The following GSG1L variants were observed in gnomAD, a reference collection of about 807,000 sequenced individuals.
GSG1L encodes germ cell-specific gene 1-like protein.
A neutral mutation model predicts 42.1 loss-of-function variants in GSG1L; 24 were observed. The observed-to-expected ratio is 0.57, with a 90% confidence interval of 0.41 to 0.80. The LOEUF is 0.80. Among genes scored for constraint, GSG1L ranks in the 30% least tolerant of loss-of-function variants. GSG1L has a pLI of 0.00. For synonymous variants in GSG1L, 215 were observed against 203.5 expected (o/e 1.06, Z -0.48); for missense variants, 445 against 472.2 (o/e 0.94, Z 0.53).
At chr16:28,017,358 C>T (rs974659177) in intron 1 of GSG1L, among the ~76,000 whole-genome samples, 7 of 152,234 alleles carry the variant, frequency 4.6e-5, no homozygotes, top group Non-Finnish European at 8.8e-5. Flanking sequence ...CACGGACATT[C>T]AGTCACTACT....
chr16:27,941,638 A>G (rs774456588), intron 2 of GSG1L, among the ~76,000 whole-genome samples: 1 of 149,484 alleles, frequency 6.7e-6, no homozygotes, highest in Non-Finnish European at 1.5e-5. Flanking sequence ...GTGCCACTGC[A>G]CTCCAGCCTG....
chr16:27,851,210 T>G lies in GSG1L; in HGVS notation c.551-6149A>C, dbSNP rs372678646. Among the ~76,000 whole-genome samples, 87 of 152,248 alleles carry G rather than the reference T, an allele frequency of 5.7e-4. 1 individual carries two copies. In the South Asian group the frequency reaches 0.017, roughly 30 times the overall value. On this transcript the variant is annotated intron_variant, in intron 3 of 6. Transcript: ENST00000447459. Reference sequence around the variant, plus strand: ...CAAGTTTTGTCTGTTTGTTTTTTGTTTTTTAAGACAGGGTCTCGCTCTGTT... The same window carrying G: ...CAAGTTTTGTCTGTTTGTTTTTTGTGTTTTAAGACAGGGTCTCGCTCTGTT...
At chr16:27,949,808 C>G (rs1460195294) in intron 2 of GSG1L, among the ~76,000 whole-genome samples, 1 of 151,994 alleles carries the variant, frequency 6.6e-6, no homozygotes, top group Non-Finnish European at 1.5e-5. Flanking sequence ...GCCTGTAGTC[C>G]CAGCTACTCG....
chr16:27,998,685 G>A (rs930221351), intron 1 of GSG1L, among the ~76,000 whole-genome samples: 1 of 152,114 alleles, frequency 6.6e-6, no homozygotes, highest in Non-Finnish European at 1.5e-5. Flanking sequence ...TACCCGGGAG[G>A]CTGAAGCAGG....
chr16:28,036,656 G>A (rs375338686), intron 1 of GSG1L, among the ~76,000 whole-genome samples: 33 of 152,278 alleles, frequency 2.2e-4, no homozygotes, highest in African/African-American at 6.7e-4. Context: ...CCTAGTTTTA[G>A]GGTCGTCTTC....
Position 28,040,243 on chromosome 16 carries a change from T to A in GSG1L, c.349+22833A>T, listed in dbSNP as rs1423041736. 1.3e-5 allele frequency among the ~76,000 whole-genome samples: 2 copies of A among 152,180 alleles called. No homozygotes were observed. Among genetic ancestry groups the A allele is most frequent in the Non-Finnish European group, 2.9e-5 (2 of 68,032 alleles). On this transcript the variant is annotated intron_variant, in intron 1 of 6. Coordinates refer to ENST00000447459, the MANE Select transcript of GSG1L (RefSeq NM_001109763.2). The surrounding 1 kb of genome is among the most constrained non-coding windows in gnomAD (Gnocchi z 4.1). The stretch of plus-strand genomic sequence containing the variant: ...TCTCCCACCCGAGGGCCTTTTCACT[T>A]GCGATTGCCTCCGTCTGAGGCTCTT...
At chr16:27,802,145 C>T (rs113894585) in intron 6 of GSG1L, among the ~76,000 whole-genome samples, 14 of 152,296 alleles carry the variant, frequency 9.2e-5, no homozygotes, top group African/African-American at 3.1e-4. Context: ...CTTTCAAGCT[C>T]TGGCCACACA....
At chr16:27,852,195 G>A (rs949946664) in intron 3 of GSG1L, among the ~76,000 whole-genome samples, 4 of 152,390 alleles carry the variant, frequency 2.6e-5, no homozygotes, top group African/African-American at 4.8e-5. Context: ...TGCTGGGCAT[G>A]CGTGTCATGT....
chr16:27,897,928 T>C (rs1160240335), intron 2 of GSG1L, among the ~76,000 whole-genome samples: 1 of 152,262 alleles, frequency 6.6e-6, no homozygotes, highest in Non-Finnish European at 1.5e-5. Flanking sequence ...CTAGGTCCTC[T>C]GTAAACGGCA....
chr16:28,055,565 G>A (rs1421644163), intron 1 of GSG1L, among the ~76,000 whole-genome samples: 6 of 151,872 alleles, frequency 4.0e-5, no homozygotes, highest in South Asian at 2.1e-4. Context: ...TCTGCCTTCC[G>A]GGTTCAAGCA....
chr16:27,960,039 G>A (rs1027690438), intron 2 of GSG1L, among the ~76,000 whole-genome samples: 4 of 151,822 alleles, frequency 2.6e-5, no homozygotes, highest in African/African-American at 9.7e-5. Context: ...AGGTGAGCAG[G>A]GGACAAGAGG....
chr16:27,893,300 T>C lies in GSG1L; in HGVS notation c.398-8662A>G, dbSNP rs149469091. Among the ~76,000 whole-genome samples, 549 of 152,332 alleles carry C rather than the reference T, an allele frequency of 3.6e-3. 5 individuals are homozygous for C. Among genetic ancestry groups the C allele is most frequent in the African/African-American group, 0.012 (502 of 41,570 alleles). On this transcript the variant is annotated intron_variant, in intron 2 of 6. Coordinates refer to ENST00000447459, the MANE Select transcript of GSG1L (RefSeq NM_001109763.2). ...GGGTTTGCAGAAATGATTTCCCATTTGCCTTGGATCCCTCCCTTGCTGAGA... is the reference window on the plus strand; with the variant it reads ...GGGTTTGCAGAAATGATTTCCCATTCGCCTTGGATCCCTCCCTTGCTGAGA...
At chr16:27,924,382 C>T (rs1322044539) in intron 2 of GSG1L, among the ~76,000 whole-genome samples, 1 of 151,932 alleles carries the variant, frequency 6.6e-6, no homozygotes, top group Non-Finnish European at 1.5e-5. Flanking sequence ...AACAAATGTA[C>T]TACCCTAACA....
At chr16:28,035,726 A>G (rs1222369681) in intron 1 of GSG1L, among the ~76,000 whole-genome samples, 3 of 152,168 alleles carry the variant, frequency 2.0e-5, no homozygotes, top group Admixed American at 2.0e-4. Context: ...AGAATCAGAG[A>G]TTTCCTCATA....
intron 5 of GSG1L, among the ~76,000 whole-genome samples, chr16:27,808,956 C>T (rs1237676962): frequency 6.6e-6 from 1 of 152,204 alleles, no homozygotes; most frequent in Non-Finnish European, 1.5e-5. Flanking sequence ...CTGCGTCCCA[C>T]TGATGGCTGG....
chr16:27,922,060 A>G (rs929114753), intron 2 of GSG1L, among the ~76,000 whole-genome samples: 3 of 148,474 alleles, frequency 2.0e-5, no homozygotes. Context: ...TGATCAGAAC[A>G]TAATAAACAA....
chr16:27,865,893 G>C (rs1044642666), intron 3 of GSG1L, among the ~76,000 whole-genome samples: 8 of 151,648 alleles, frequency 5.3e-5, no homozygotes, highest in African/African-American at 1.7e-4. Context: ...TAGAGATGGG[G>C]TCTCACTATG....
intron 1 of GSG1L, among the ~76,000 whole-genome samples, chr16:27,984,649 C>T (rs777491661): frequency 6.6e-6 from 1 of 152,032 alleles, no homozygotes; most frequent in Non-Finnish European, 1.5e-5. Flanking sequence ...AGGCCTTTAT[C>T]CTGTTTCTGG....
intron 1 of GSG1L, among the ~76,000 whole-genome samples, chr16:27,967,542 T>G (rs1363748770): frequency 6.6e-6 from 1 of 152,222 alleles, no homozygotes; most frequent in African/African-American, 2.4e-5. Context: ...GGGACCATCC[T>G]GGGCCACACA....
Sources: allele counts gnomAD v4.1 joint callset (sites outside exome capture counted in the v4.1 genomes callset), GRCh38; gene constraint gnomAD v4.1.1; non-coding constraint Gnocchi (gnomAD v3.1); transcripts MANE v1.5; gene names NCBI Gene and HGNC (gene_info 2026-07-23, HGNC 2026-07-21).